SLC61A1: variants seen among roughly 807,000 people sequenced by gnomAD.
SLC61A1 encodes major facilitator superfamily domain containing 5.
At chr12:53,253,629 T>C in the SLC61A1 span, 20 of 1,613,950 alleles carry the variant, frequency 1.2e-5, no homozygotes, top group Non-Finnish European at 1.5e-5. Context: ...GTCATCTTCA[T>C]CTTTGTCTTC....
At chr12:53,251,988 G>A in the SLC61A1 span, 6 of 1,536,480 alleles carry the variant, frequency 3.9e-6, no homozygotes, top group East Asian at 4.9e-5. Flanking sequence ...AGCCTCCTAT[G>A]GTCGCCCCTT....
At chr12:53,253,621 C>T in the SLC61A1 span, 20 of 1,613,894 alleles carry the variant, frequency 1.2e-5, no homozygotes, top group South Asian at 2.2e-4. Flanking sequence ...TTGAGAGTGT[C>T]ATCTTCATCT....
chr12:53,252,049 G>A, the SLC61A1 span: 9 of 1,474,310 alleles, frequency 6.1e-6, no homozygotes, highest in East Asian at 5.0e-5. Flanking sequence ...AGGGAAGGAG[G>A]GCGGGCGGGC....
At chr12:53,252,215 C>T in the SLC61A1 span, 1 of 1,414,884 alleles carries the variant, frequency 7.1e-7, no homozygotes, top group Non-Finnish European at 9.1e-7. Flanking sequence ...GGAGGGTGGC[C>T]TGGCGGCCTG....
the SLC61A1 span, chr12:53,252,294 A>G: frequency 7.2e-7 from 1 of 1,390,242 alleles, no homozygotes; most frequent in Non-Finnish European, 9.2e-7. Flanking sequence ...GGCGAGGTGC[A>G]AGTGGATGTG....
the SLC61A1 span, chr12:53,254,176 C>A: frequency 1.2e-6 from 2 of 1,613,632 alleles, no homozygotes; most frequent in Non-Finnish European, 1.7e-6. Context: ...AGCCCTATGC[C>A]CCTGAGCTGT....
the SLC61A1 span, chr12:53,251,820 C>T: frequency 6.5e-7 from 1 of 1,537,176 alleles, no homozygotes; most frequent in Non-Finnish European, 8.7e-7. Context: ...AAGCTCCAAC[C>T]CTTGGCTCTA....
At chr12:53,254,344 G>T in the SLC61A1 span, 2 of 909,572 alleles carry the variant, frequency 2.2e-6, no homozygotes, top group East Asian at 2.6e-5. Flanking sequence ...GGACTGGAAA[G>T]AAGGTGCCAA....
chr12:53,253,929 G>T, the SLC61A1 span: 1 of 1,614,180 alleles, frequency 6.2e-7, no homozygotes, highest in Non-Finnish European at 8.5e-7. Context: ...AGCTTCCTAC[G>T]GAGAAAGGTG....
At chr12:53,253,073 C>G in the SLC61A1 span, 2 of 1,614,160 alleles carry the variant, frequency 1.2e-6, no homozygotes, top group African/African-American at 1.3e-5. Context: ...AATTGCCATC[C>G]TCTATGTCTG....
chr12:53,252,300 A>T, the SLC61A1 span: 2 of 1,384,680 alleles, frequency 1.4e-6, no homozygotes, highest in Admixed American at 3.6e-5. Flanking sequence ...GTGCAAGTGG[A>T]TGTGGCAGGG....
At chr12:53,251,950 G>A in the SLC61A1 span, 2 of 1,537,104 alleles carry the variant, frequency 1.3e-6, no homozygotes, top group South Asian at 1.2e-5. Context: ...ATGGCAGCGA[G>A]CGAGGCCAGG....
the SLC61A1 span, chr12:53,251,705 G>T: frequency 6.6e-7 from 1 of 1,515,942 alleles, no homozygotes; most frequent in Non-Finnish European, 8.8e-7. Flanking sequence ...CCTCCCTCAG[G>T]TGTCTGGACC....
At chr12:53,252,235 G>C in the SLC61A1 span, 2 of 1,410,048 alleles carry the variant, frequency 1.4e-6, no homozygotes, top group Non-Finnish European at 1.8e-6. Context: ...GGAGCCGGAC[G>C]TGTCCGGGGC....
At chr12:53,252,111 A>G in the SLC61A1 span, 2 of 1,448,860 alleles carry the variant, frequency 1.4e-6, no homozygotes, top group Non-Finnish European at 1.8e-6. Context: ...TGAAGCCATC[A>G]TGGCGGCGGC....
the SLC61A1 span, chr12:53,251,910 TCCAAG>T: frequency 6.5e-7 from 1 of 1,537,258 alleles, no homozygotes; most frequent in Middle Eastern, 1.7e-4. Context: ...CCCTCAGGCA[TCCAAG>T]AGCCAGAGGA....
the SLC61A1 span, chr12:53,252,132 C>T: frequency 0.022 from 31,365 of 1,440,602 alleles, 496 homozygotes; most frequent in East Asian, 0.073. Flanking sequence ...CAGAGGCCTG[C>T]CCGGCTCCCG....
At chr12:53,254,120 G>T in the SLC61A1 span, 1 of 1,614,050 alleles carries the variant, frequency 6.2e-7, no homozygotes, top group African/African-American at 1.3e-5. Flanking sequence ...ACTCTTCACC[G>T]TGGTAAGGCA....
At chr12:53,253,093 C>T in the SLC61A1 span, 2 of 1,614,266 alleles carry the variant, frequency 1.2e-6, no homozygotes, top group African/African-American at 1.3e-5. Flanking sequence ...GTGGCCTTGC[C>T]TCTACAGTCC....
Sources: gnomAD v4.1 joint callset for allele counts on GRCh38, gnomAD v4.1.1 for gene constraint, MANE v1.5 for transcripts, NCBI Gene and HGNC (gene_info 2026-07-23, HGNC 2026-07-21) for gene names.